RETSAT: variants seen among roughly 807,000 people sequenced by gnomAD.
RETSAT encodes the protein all-trans-retinol 13,14-reductase.
RETSAT carries 35 observed loss-of-function variants against 61.6 expected under a neutral mutation model. That is an observed-to-expected ratio of 0.57 (90% CI 0.43 to 0.75). The LOEUF (loss-of-function observed/expected upper bound fraction) is 0.75. Among genes scored for constraint, RETSAT ranks in the 30% least tolerant of loss-of-function variants. The pLI, the probability that RETSAT is intolerant of heterozygous loss-of-function variation, is 0.00. For missense variants in RETSAT, 670 were observed against 759.5 expected, an observed-to-expected ratio of 0.88 and a Z score of 1.38; for synonymous variants, 277 against 310.4, an observed-to-expected ratio of 0.89 and a Z score of 1.13.
At chr2:85,349,637 G>T in intron 4 of RETSAT, 56 bp from the exon 5 acceptor site, 1 of 1,448,698 alleles carries the variant, frequency 6.9e-7, no homozygotes, top group Non-Finnish European at 9.7e-7. Context: ...GCACCATTCA[G>T]AAAGGAACGT....
Position 85,344,713 on chromosome 2 carries a change from C to A in RETSAT, c.1137G>T (p.Gly379=), listed in dbSNP as rs769700142. The A allele has an allele frequency of 3.1e-6, 5 of 1,614,156 alleles. No individual in the cohort carries two copies. In the Admixed American group the frequency reaches 8.3e-5, roughly 27 times the overall value. The change falls in exon 7 of 11, where the codon GGG becomes GGT. Residue 379 remains glycine (G), a synonymous_variant. Coordinates refer to ENST00000295802, the MANE Select transcript of RETSAT (RefSeq NM_017750.4). ...TCATGCCTAAGCCGGGCCGCACCGTCCCCAGTTGCTGCTTCACACCTGCCA... is the reference window on the plus strand; with the variant it reads ...TCATGCCTAAGCCGGGCCGCACCGTACCCAGTTGCTGCTTCACACCTGCCA... The part of the protein sequence containing the change: ...RCLPGVKQQL[G]TVRPGLGMTS...
intron 5 of RETSAT, 55 bp from the exon 6 acceptor site, chr2:85,346,149 G>A: frequency 6.4e-7 from 1 of 1,570,444 alleles, no homozygotes; most frequent in Admixed American, 1.8e-5. Context: ...GAAGAGAAAG[G>A]CCCACGGCCC....
At chr2:85,348,755 C>T (rs1201263462) in intron 5 of RETSAT, among the ~76,000 whole-genome samples, 1 of 148,434 alleles carries the variant, frequency 6.7e-6, no homozygotes. Context: ...TTTTCTTTTC[C>T]TTTCTTTTTT....
chr2:85,350,060 C>G lies in RETSAT; in HGVS notation c.779G>C (p.Ser260Thr). The change falls in exon 4 of 11, where the codon AGC becomes ACC. Residue 260 changes from serine (S) to threonine (T), a missense_variant. Transcript: ENST00000295802. Reference sequence around the variant, plus strand: ...CCCACCGTAAGTGGGGAAGATGTAGCTGAGTACTGCCTGGAGCTCAGAGGA... The same window carrying G: ...CCCACCGTAAGTGGGGAAGATGTAGGTGAGTACTGCCTGGAGCTCAGAGGA... ...GASSELQAVL[S>T]YIFPTYGVTP... 6.2e-7 allele frequency: 1 copy of G among 1,613,802 alleles called. No homozygotes were observed. The highest frequency in any genetic ancestry group is 8.5e-7 in the Non-Finnish European group (1 of 1,180,002).
At chr2:85,348,758 T>C (rs962762529) in intron 5 of RETSAT, among the ~76,000 whole-genome samples, 1 of 151,716 alleles carries the variant, frequency 6.6e-6, no homozygotes, top group African/African-American at 2.4e-5. Context: ...TCTTTTCCTT[T>C]CTTTTTTTTT....
chr2:85,352,247 G>A (rs58549064), intron 1 of RETSAT, among the ~76,000 whole-genome samples: 5,167 of 151,730 alleles, frequency 0.034, 233 homozygotes, highest in African/African-American at 0.1. Flanking sequence ...ATTTTTATGT[G>A]TTTAATTATT....
chr2:85,347,449 G>A (rs1038173956), intron 5 of RETSAT, among the ~76,000 whole-genome samples: 4 of 152,090 alleles, frequency 2.6e-5, no homozygotes, highest in African/African-American at 9.7e-5. Context: ...GGCTGGTCTC[G>A]AACTCCTGAC....
chr2:85,347,206 C>T (rs1451051055), intron 5 of RETSAT, among the ~76,000 whole-genome samples: 3 of 152,142 alleles, frequency 2.0e-5, no homozygotes, highest in African/African-American at 4.8e-5. Flanking sequence ...ATCCTTAGCA[C>T]ACGCCTCCAG....
rs1239780339 is a variant in RETSAT, at chr2:85,346,103, A to C, written c.998-9T>G. 6.2e-7 allele frequency: 1 copy of C among 1,608,340 alleles called. No homozygotes were observed. The highest frequency in any genetic ancestry group is 1.3e-5 in the African/African-American group (1 of 74,840). On this transcript the variant is annotated splice_polypyrimidine_tract_variant and intron_variant, in intron 5 of 10. Transcript: ENST00000295802. Reference sequence around the variant, plus strand: ...CTTCTTCACACTGACACCTGCAGGCACAAGAGCTTGGCTGAGGGTCTGTGA... The same window carrying C: ...CTTCTTCACACTGACACCTGCAGGCCCAAGAGCTTGGCTGAGGGTCTGTGA...
intron 4 of RETSAT, 200 bp from the exon 5 acceptor site, chr2:85,349,781 C>T (rs924194903): frequency 1.6e-6 from 1 of 631,320 alleles, no homozygotes; most frequent in African/African-American, 1.8e-5. Flanking sequence ...AGGAATACCC[C>T]CCCTGCAAAC....
Position 85,343,803 on chromosome 2 carries a change from G to A in RETSAT, c.1534-5C>T, listed in dbSNP as rs1466509039. ...TCCTGCAGTCACACTCTCCACCTGA[G>A]GGCAGAAAGGGTGGGGCAGGCATGT... is the stretch of plus-strand genomic sequence containing the variant. On this transcript the variant is annotated splice_polypyrimidine_tract_variant and splice_region_variant and intron_variant, in intron 9 of 10. Coordinates refer to ENST00000295802, the MANE Select transcript of RETSAT (RefSeq NM_017750.4). The A allele has an allele frequency of 1.9e-6, 3 of 1,613,462 alleles. No individual in the cohort carries two copies. Among genetic ancestry groups the A allele is most frequent in the Non-Finnish European group, 2.5e-6 (3 of 1,179,664 alleles).
In RETSAT at chr2:85,344,960, G is replaced by A. The variant is rs528807081; in HGVS notation, c.1118-228C>T. ...TGTAACCAGACAGTGAGAGGGGGGC[G>A]GGAGGGACAGATGACTGTAGCAGGG... On this transcript the variant is annotated intron_variant, in intron 6 of 10. Transcript: ENST00000295802. 3.9e-5 allele frequency among the ~76,000 whole-genome samples: 6 copies of A among 152,330 alleles called. No homozygotes were observed. In the East Asian group the frequency reaches 5.8e-4, roughly 15 times the overall value.
At position 85,349,417 on chromosome 2, in the gene RETSAT, T is replaced by G; in HGVS notation, c.964A>C (p.Ser322Arg). ...GAVLTKATVQ[S>R]VLLDSAGKAC... ...TTCCCAGCTGAGTCCAGCAACACACTCTGCACAGTGGCCTTTGTGAGGACA... is the reference window on the plus strand; with the variant it reads ...TTCCCAGCTGAGTCCAGCAACACACGCTGCACAGTGGCCTTTGTGAGGACA... The change falls in exon 5 of 11, where the codon AGT becomes CGT. Residue 322 changes from serine (S) to arginine (R), a missense_variant. By Grantham distance (110) the Ser-to-Arg change is moderately radical. Transcript: ENST00000295802. The G allele has an allele frequency of 6.2e-7, 1 of 1,614,048 alleles. No individual in the cohort carries two copies. The highest frequency in any genetic ancestry group is 1.1e-5 in the South Asian group (1 of 91,086).
At chr2:85,352,808 T>C (rs945799916) in intron 1 of RETSAT, among the ~76,000 whole-genome samples, 1 of 152,150 alleles carries the variant, frequency 6.6e-6, no homozygotes, top group Non-Finnish European at 1.5e-5. Context: ...AGGCTGCAGC[T>C]CTGAGAAATC....
At chr2:85,351,151 C>T (rs1387584669) in intron 2 of RETSAT, 130 bp from the exon 3 acceptor site, 3 of 1,108,008 alleles carry the variant, frequency 2.7e-6, no homozygotes, top group Admixed American at 2.1e-5. Flanking sequence ...GCTGCTCACT[C>T]TGTCTGTAGG....
rs756387861 is a variant in RETSAT, at chr2:85,351,723, G to T, written c.312C>A (p.Gly104=). 3 of 1,614,016 alleles carry T rather than the reference G, an allele frequency of 1.9e-6. No homozygotes were observed. In the Admixed American group the frequency reaches 5.0e-5, roughly 27 times the overall value. The change falls in exon 2 of 11, where the codon GGC becomes GGA. Residue 104 remains glycine (G), a synonymous_variant. Transcript: ENST00000295802. Reference sequence around the variant, plus strand: ...CATTCTTTCCAAAGGTATGACAGCAGCCCCCTGCCTTGGTATGTTGTTCCA... The same window carrying T: ...CATTCTTTCCAAAGGTATGACAGCATCCCCCTGCCTTGGTATGTTGTTCCA... ...LVLEQHTKAG[G]CCHTFGKNGL... is the part of the protein sequence containing the mutation.
intron 5 of RETSAT, among the ~76,000 whole-genome samples, chr2:85,347,762 C>G (rs908308692): frequency 6.6e-6 from 1 of 152,174 alleles, no homozygotes; most frequent in Admixed American, 6.5e-5. Context: ...TTCCTGGACC[C>G]CTTTCAGCTG....
chr2:85,354,377 A>T lies in RETSAT; in HGVS notation c.131T>A (p.Leu44Gln), dbSNP rs1163698769. Residue 44 changes from leucine to glutamine, a missense_variant, in exon 1 of 11, where the codon CTG becomes CAG. Physicochemically the swap from Leu to Gln is moderately radical, Grantham distance 113. Coordinates refer to ENST00000295802, the MANE Select transcript of RETSAT (RefSeq NM_017750.4). ...SEDVKRPPAP[L>Q]VTDKEARKKV... is the part of the protein sequence containing the mutation. ...CTTCCTGGCCTCCTTGTCAGTTACCAGGGGCGCTGGGGGCCGTTTGACATC... is the reference window on the plus strand; with the variant it reads ...CTTCCTGGCCTCCTTGTCAGTTACCTGGGGCGCTGGGGGCCGTTTGACATC... 15 of 1,614,084 alleles carry T rather than the reference A, an allele frequency of 9.3e-6. No individual in the cohort carries two copies. The highest frequency in any genetic ancestry group is 2.7e-5 in the African/African-American group (2 of 74,922).
intron 5 of RETSAT, among the ~76,000 whole-genome samples, chr2:85,347,838 C>T (rs73945710): frequency 0.034 from 5,110 of 152,294 alleles, 229 homozygotes; most frequent in African/African-American, 0.1. Flanking sequence ...TCTCTCTTAC[C>T]ACCCGGTAAC....
Sources: gnomAD v4.1 joint callset for allele counts (sites outside exome capture counted in the v4.1 genomes callset) on GRCh38, gnomAD v4.1.1 for gene constraint, MANE v1.5 for transcripts, NCBI Gene and HGNC (gene_info 2026-07-23, HGNC 2026-07-21) for gene names.